SPAG16: variants seen among roughly 807,000 people sequenced by gnomAD.
SPAG16 encodes sperm-associated antigen 16 protein.
SPAG16 carries 86 observed loss-of-function variants against 80.4 expected under a neutral mutation model. That is an observed-to-expected ratio of 1.07 (90% CI 0.90 to 1.28). The LOEUF (loss-of-function observed/expected upper bound fraction) is 1.28. SPAG16 is among the 50% of genes most tolerant of loss of function. The pLI, the probability that SPAG16 is intolerant of heterozygous loss-of-function variation, is 0.00. For missense variants in SPAG16, 870 were observed against 765.3 expected (o/e 1.14, Z -1.61); for synonymous variants, 294 against 265.9 (o/e 1.11, Z -1.03).
intron 10 of SPAG16, among the ~76,000 whole-genome samples, chr2:213,820,628 C>T (rs2072881612): frequency 6.6e-6 from 1 of 151,968 alleles, no homozygotes; most frequent in African/African-American, 2.4e-5. Context: ...TTTTTGTCTA[C>T]TTAATCTGTT....
chr2:213,901,606 T>G (rs2077223951), intron 11 of SPAG16, among the ~76,000 whole-genome samples: 1 of 152,116 alleles, frequency 6.6e-6, no homozygotes, highest in Non-Finnish European at 1.5e-5. Context: ...CAATATTTAG[T>G]CCAAAGAAAA....
At chr2:213,560,976 GTC>G (rs1270724292) in intron 10 of SPAG16, among the ~76,000 whole-genome samples, 25 of 152,302 alleles carry the variant, frequency 1.6e-4, no homozygotes, top group Admixed American at 9.1e-4. Context: ...AGAATCTCCT[GTC>G]TCAGCCTCCC....
chr2:214,061,511 T>C (rs1328424794), intron 13 of SPAG16, among the ~76,000 whole-genome samples: 2 of 152,162 alleles, frequency 1.3e-5, no homozygotes, highest in Non-Finnish European at 2.9e-5. Flanking sequence ...AGGGTTGATA[T>C]TGCAGTTCAA....
intron 9 of SPAG16, among the ~76,000 whole-genome samples, chr2:213,381,505 A>T (rs2067170861): frequency 6.6e-6 from 1 of 152,174 alleles, no homozygotes; most frequent in Non-Finnish European, 1.5e-5. Context: ...TAGCTGAATA[A>T]ACTTTGCTTA....
chr2:213,340,316 C>A, intron 6 of SPAG16, 46 bp downstream of exon 6: 5 of 1,230,984 alleles, frequency 4.1e-6, no homozygotes, highest in Non-Finnish European at 5.8e-6. Flanking sequence ...TTATTTAATA[C>A]ATGTTAAGTA....
intron 11 of SPAG16, among the ~76,000 whole-genome samples, chr2:213,867,308 C>T (rs1309299676): frequency 6.6e-6 from 1 of 152,144 alleles, no homozygotes; most frequent in Non-Finnish European, 1.5e-5. Flanking sequence ...TGGATCAATG[C>T]AGGGAATGTG....
At chr2:213,836,617 A>AT (rs1455352238) in intron 10 of SPAG16, among the ~76,000 whole-genome samples, 6 of 150,972 alleles carry the variant, frequency 4.0e-5, no homozygotes, top group Non-Finnish European at 7.4e-5. Flanking sequence ...TTTATTTTTT[A>AT]TTTTTTTATT....
At chr2:213,518,462 C>T (rs990320291) in intron 10 of SPAG16, among the ~76,000 whole-genome samples, 3 of 152,130 alleles carry the variant, frequency 2.0e-5, no homozygotes, top group African/African-American at 7.2e-5. Context: ...GCTTTGTTGC[C>T]TAATCTGGCC....
intron 14 of SPAG16, among the ~76,000 whole-genome samples, chr2:214,109,716 A>G (rs1414493228): frequency 3.3e-5 from 5 of 152,210 alleles, no homozygotes; most frequent in African/African-American, 1.2e-4. Context: ...TGTAAGAAAT[A>G]TTCTATCTAA....
intron 1 of SPAG16, among the ~76,000 whole-genome samples, chr2:213,289,214 A>C (rs987232991): frequency 6.6e-6 from 1 of 152,210 alleles, no homozygotes; most frequent in Non-Finnish European, 1.5e-5. Flanking sequence ...GTAGATAAAT[A>C]TCTTAATCTC....
chr2:214,207,725 G>C (rs2058182364), intron 15 of SPAG16, among the ~76,000 whole-genome samples: 1 of 152,174 alleles, frequency 6.6e-6, no homozygotes, highest in Non-Finnish European at 1.5e-5. Flanking sequence ...TCAGGGGATT[G>C]GGAGAAGAAG....
chr2:213,583,029 A>G (rs2060347471), intron 10 of SPAG16, among the ~76,000 whole-genome samples: 1 of 152,176 alleles, frequency 6.6e-6, no homozygotes, highest in African/African-American at 2.4e-5. Flanking sequence ...GTTAACAGCT[A>G]TATTCATTTT....
intron 15 of SPAG16, among the ~76,000 whole-genome samples, chr2:214,186,895 G>T (rs1426071765): frequency 6.6e-6 from 1 of 152,122 alleles, no homozygotes; most frequent in Non-Finnish European, 1.5e-5. Flanking sequence ...AAGTAGCTGG[G>T]ACTACAGGCC....
chr2:213,893,396 T>C (rs2076861807), intron 11 of SPAG16, among the ~76,000 whole-genome samples: 1 of 152,160 alleles, frequency 6.6e-6, no homozygotes, highest in Non-Finnish European at 1.5e-5. Context: ...CTGTTATAAT[T>C]AAGTGCATGG....
At chr2:213,606,394 C>T (rs1004588698) in intron 10 of SPAG16, among the ~76,000 whole-genome samples, 2 of 152,166 alleles carry the variant, frequency 1.3e-5, no homozygotes, top group African/African-American at 4.8e-5. Flanking sequence ...AAAGTTCTAG[C>T]TGATTCACAT....
At chr2:213,906,372 A>T (rs1225430523) in intron 11 of SPAG16, among the ~76,000 whole-genome samples, 1 of 152,212 alleles carries the variant, frequency 6.6e-6, no homozygotes, top group Admixed American at 6.5e-5. Flanking sequence ...TGAACAGGAC[A>T]CAAAAAATGG....
At chr2:214,395,981 C>A (rs960492245) in intron 15 of SPAG16, among the ~76,000 whole-genome samples, 2 of 152,116 alleles carry the variant, frequency 1.3e-5, no homozygotes, top group Non-Finnish European at 1.5e-5. Flanking sequence ...AATAGTGCTG[C>A]AATGAACACA....
chr2:214,059,291 TA>T (rs1425174816), intron 13 of SPAG16, among the ~76,000 whole-genome samples: 1 of 147,802 alleles, frequency 6.8e-6, no homozygotes, highest in Non-Finnish European at 1.5e-5. Context: ...AGAATTTTTG[TA>T]AAAAATTTCA....
At chr2:213,417,169 T>C (rs1228454849) in intron 9 of SPAG16, among the ~76,000 whole-genome samples, 3 of 151,906 alleles carry the variant, frequency 2.0e-5, no homozygotes, top group African/African-American at 7.3e-5. Flanking sequence ...CCTCAGGAGG[T>C]CAGAGGTCAA....
Sources: gnomAD v4.1 joint callset for allele counts (sites outside exome capture counted in the v4.1 genomes callset) on GRCh38, gnomAD v4.1.1 for gene constraint, MANE v1.5 for transcripts, NCBI Gene and HGNC (gene_info 2026-07-23, HGNC 2026-07-21) for gene names.